ANKFN1: variants seen among roughly 807,000 people sequenced by gnomAD.
ANKFN1 encodes ankyrin repeat and fibronectin type-III domain-containing protein 1.
In ANKFN1, 74 loss-of-function variants were observed where a neutral mutation model predicts 108.7. The observed-to-expected ratio is 0.68, with a 90% confidence interval of 0.56 to 0.83. ANKFN1 has a LOEUF of 0.83. Among genes scored for constraint, ANKFN1 ranks in the 40% least tolerant of loss-of-function variants. The pLI is 0.00. For missense variants in ANKFN1, 1,505 were observed against 1,382.3 expected (o/e 1.09, Z -1.41); for synonymous variants, 547 against 516.2 (o/e 1.06, Z -0.81).
chr17:56,420,683 C>CTTTTTTTTTTTTTTTTTTTTTT (rs755355387), intron 8 of ANKFN1, among the ~76,000 whole-genome samples: 20 of 119,580 alleles, frequency 1.7e-4, no homozygotes, highest in East Asian at 4.8e-4. Context: ...CTGACTCCTT[C>CTTTTTTTTTTTTTTTTTTTTTT]TTTTTTTTTT....
intron 4 of ANKFN1, among the ~76,000 whole-genome samples, chr17:56,080,526 A>T (rs1474917432): frequency 2.0e-5 from 3 of 152,238 alleles, no homozygotes; most frequent in Admixed American, 6.5e-5. Context: ...TGGCACAAGG[A>T]TGTTGCTAAG....
chr17:56,379,909 A>G (rs2047047646), intron 8 of ANKFN1, among the ~76,000 whole-genome samples: 1 of 152,232 alleles, frequency 6.6e-6, no homozygotes, highest in Non-Finnish European at 1.5e-5. Context: ...ATAATTTTAC[A>G]GCATATTTTA....
chr17:56,220,888 G>A lies in ANKFN1; in HGVS notation c.13-7029G>A, dbSNP rs28853430. ...GAAGGAAGGGAGGGAGGGAGGGAGGGAGGAAGGAAGGAAGGAAGGGAGTGG... is the reference window on the plus strand; with the variant it reads ...GAAGGAAGGGAGGGAGGGAGGGAGGAAGGAAGGAAGGAAGGAAGGGAGTGG... On this transcript the variant is annotated intron_variant, in intron 2 of 20. Coordinates refer to ENST00000682825, the MANE Select transcript of ANKFN1 (RefSeq NM_001370326.1). Among the ~76,000 whole-genome samples the A allele has an allele frequency of 6.5e-3, 261 of 40,340 alleles. 12 individuals carry two copies. The highest frequency in any genetic ancestry group is 0.055 in the African/African-American group (191 of 3,494). 26.5% of individuals were successfully genotyped at this position (40,340 alleles called of 152,430 possible). A position where few individuals can be genotyped will look rare whatever the true frequency, so the allele number is the denominator to read the frequency against.
chr17:56,151,501 G>T (rs569552446), upstream of ANKFN1, among the ~76,000 whole-genome samples: 1 of 152,314 alleles, frequency 6.6e-6, no homozygotes, highest in South Asian at 2.1e-4. Context: ...TGGAGAAAGT[G>T]CTGGGTTGGG....
intron 4 of ANKFN1, among the ~76,000 whole-genome samples, chr17:56,144,614 A>T (rs1176397901): frequency 6.6e-6 from 1 of 152,220 alleles, no homozygotes; most frequent in Non-Finnish European, 1.5e-5. Context: ...CTGAGCAAAA[A>T]GATGGGTTTT....
chr17:56,357,985 G>T (rs2046418462), intron 6 of ANKFN1, among the ~76,000 whole-genome samples: 1 of 152,226 alleles, frequency 6.6e-6, no homozygotes, highest in Middle Eastern at 3.4e-3. Context: ...TTAATAGGTG[G>T]TGCAGTCAGG....
chr17:56,065,925 C>T (rs1905052778), intron 4 of ANKFN1, among the ~76,000 whole-genome samples: 3 of 152,168 alleles, frequency 2.0e-5, no homozygotes, highest in Admixed American at 2.0e-4. Flanking sequence ...TGCAGAATTG[C>T]CACAAGCCTT....
At position 56,086,401 on chromosome 17, in the gene ANKFN1, A is replaced by G. The variant is rs749679610; in HGVS notation, c.288+40076A>G. Among the ~76,000 whole-genome samples the G allele has an allele frequency of 6.5e-4, 98 of 151,444 alleles. 1 individual carries two copies. The highest frequency in any genetic ancestry group is 2.1e-4 in the Non-Finnish European group (14 of 67,792). ...GCCTGGGCAACAAGAGCAAAACTCC[A>G]TCTCAAAAATCAAATGAAAATAAAA... is the stretch of plus-strand genomic sequence containing the variant. On this transcript the variant is annotated intron_variant, in intron 4 of 12. Coordinates refer to the ANKFN1 transcript ENST00000635860.
At chr17:56,205,114 A>G (rs1411384444) in intron 1 of ANKFN1, among the ~76,000 whole-genome samples, 1 of 151,876 alleles carries the variant, frequency 6.6e-6, no homozygotes, top group East Asian at 1.9e-4. Flanking sequence ...AAAACTTTGT[A>G]TTATACCCTT....
chr17:56,390,499 G>C (rs1014907252), intron 8 of ANKFN1, among the ~76,000 whole-genome samples: 1 of 152,046 alleles, frequency 6.6e-6, no homozygotes, highest in African/African-American at 2.4e-5. Context: ...TAGTGCTATA[G>C]TAAACATACT....
rs1218269038 is a variant in ANKFN1 at position 56,510,874 on chromosome 17, C to T, written c.3046C>T (p.Arg1016Cys). ...CTATGGCGGCTTCAGCCGCCATCAT[C>T]GCTGGTTGCGCATCCACAGCGAGAC... ...PHYGGFSRHH[R>C]WLRIHSETQS... The change falls in exon 21 of 21, where the codon CGC (arginine) becomes TGC (cysteine). Residue 1016 changes from arginine (R) to cysteine (C), a missense_variant. Coordinates refer to ENST00000682825, the MANE Select transcript of ANKFN1 (RefSeq NM_001370326.1). 5.2e-6 allele frequency: 8 copies of T among 1,536,158 alleles called. No homozygotes were observed. The East Asian group carries it at 1.2e-4, about 23-fold the overall frequency.
At chr17:56,386,265 G>T (rs2047264519) in intron 8 of ANKFN1, among the ~76,000 whole-genome samples, 1 of 151,008 alleles carries the variant, frequency 6.6e-6, no homozygotes, top group African/African-American at 2.4e-5. Context: ...GGTGGGAATT[G>T]AACAATGAGA....
At chr17:56,503,665 G>T (rs1003829758) in intron 20 of ANKFN1, among the ~76,000 whole-genome samples, 2 of 151,680 alleles carry the variant, frequency 1.3e-5, no homozygotes, top group African/African-American at 2.4e-5. Context: ...TTCCTGAAAT[G>T]TCATCTCCCC....
chr17:56,078,397 C>T (rs1905205976), intron 4 of ANKFN1, among the ~76,000 whole-genome samples: 1 of 152,144 alleles, frequency 6.6e-6, no homozygotes, highest in Non-Finnish European at 1.5e-5. Flanking sequence ...TGGACCATTC[C>T]TAGGACAAAA....
At chr17:56,342,081 G>A (rs2045973554) in intron 4 of ANKFN1, among the ~76,000 whole-genome samples, 1 of 151,924 alleles carries the variant, frequency 6.6e-6, no homozygotes, top group Admixed American at 6.6e-5. Flanking sequence ...AGATTTTCTG[G>A]TTTATGTGCA....
intron 15 of ANKFN1, among the ~76,000 whole-genome samples, chr17:56,467,910 A>G (rs2050187380): frequency 6.6e-6 from 1 of 152,202 alleles, no homozygotes; most frequent in Non-Finnish European, 1.5e-5. Context: ...AGAGCTACAC[A>G]CAGAGGCAAT....
chr17:56,103,018 G>A (rs1322469013), intron 4 of ANKFN1, among the ~76,000 whole-genome samples: 3 of 152,184 alleles, frequency 2.0e-5, no homozygotes. Flanking sequence ...ATGTAAATGA[G>A]CATCTGCTGT....
At chr17:56,046,577 G>T (rs1904681997) in intron 4 of ANKFN1, among the ~76,000 whole-genome samples, 1 of 152,066 alleles carries the variant, frequency 6.6e-6, no homozygotes, top group Non-Finnish European at 1.5e-5. Context: ...AGTCTTTAAA[G>T]TGGGCTGCAT....
chr17:56,250,744 A>AT (rs1458700958), intron 3 of ANKFN1, among the ~76,000 whole-genome samples: 1 of 152,240 alleles, frequency 6.6e-6, no homozygotes. Context: ...ATGTATGACC[A>AT]TTTTTTAAAA....
Sources: allele counts gnomAD v4.1 joint callset (sites outside exome capture counted in the v4.1 genomes callset), GRCh38; gene constraint gnomAD v4.1.1; transcripts MANE v1.5; gene names NCBI Gene and HGNC (gene_info 2026-07-23, HGNC 2026-07-21).